The following BMERB1 variants were observed in gnomAD, a reference collection of about 807,000 sequenced individuals.
BMERB1 encodes bMERB domain-containing protein 1.
A neutral mutation model predicts 23.6 loss-of-function variants in BMERB1; 12 were observed. That is an observed-to-expected ratio of 0.51 (90% CI 0.33 to 0.82). The LOEUF (loss-of-function observed/expected upper bound fraction) is 0.82, where lower values mean the gene tolerates loss of function less well. BMERB1 is among the 40% of genes least tolerant of loss of function. The pLI, the probability that BMERB1 is intolerant of heterozygous loss-of-function variation, is 0.03. For missense variants in BMERB1, 247 were observed against 255.4 expected (o/e 0.97, Z 0.22); for synonymous variants, 122 against 96.6 (o/e 1.26, Z -1.54).
At chr16:15,436,368 C>T (rs1449938625) in intron 1 of BMERB1, among the ~76,000 whole-genome samples, 2 of 151,174 alleles carry the variant, frequency 1.3e-5, no homozygotes, top group Non-Finnish European at 2.9e-5. Flanking sequence ...AAGCGATTCT[C>T]CTGCCTCAGC....
intron 1 of BMERB1, among the ~76,000 whole-genome samples, chr16:15,438,218 C>G (rs1351011253): frequency 6.6e-6 from 1 of 151,148 alleles, no homozygotes; most frequent in African/African-American, 2.4e-5. Context: ...TCCCAAGTAG[C>G]TGGGACTACA....
chr16:15,531,808 C>A (rs1010658691), intron 2 of BMERB1, among the ~76,000 whole-genome samples: 1 of 152,192 alleles, frequency 6.6e-6, no homozygotes, highest in Admixed American at 6.5e-5. Context: ...GGGCTTGTCC[C>A]TATCACGTGA....
rs763726131 is a variant in BMERB1 at position 15,581,221 on chromosome 16, AG to A, written c.310del (p.Glu104LysfsTer13). The A allele has an allele frequency of 6.2e-7, 1 of 1,610,336 alleles. No individual in the cohort carries two copies. The highest frequency in any genetic ancestry group is 8.5e-7 in the Non-Finnish European group (1 of 1,178,304). On this transcript the variant is annotated frameshift_variant, in exon 4 of 6. Coordinates refer to ENST00000300006, the MANE Select transcript of BMERB1 (RefSeq NM_033201.3). LOFTEE classifies it high-confidence loss of function. ...TTGTTGATGTCTTCTTTCCAGAAAA[AG>A]AAAAAACCAAACTGCAGAAGCAGAG... ...LQNLVAIPEK[E>X]KTKLQKQRED... is the part of the protein sequence containing the mutation.
chr16:15,457,917 A>G (rs114626533), intron 1 of BMERB1, among the ~76,000 whole-genome samples: 1 of 152,210 alleles, frequency 6.6e-6, no homozygotes, highest in Non-Finnish European at 1.5e-5. Flanking sequence ...CCTTCTTCAC[A>G]GGGCAGTAGA....
intron 1 of BMERB1, among the ~76,000 whole-genome samples, chr16:15,459,807 C>A (rs1453642979): frequency 6.6e-6 from 1 of 152,140 alleles, no homozygotes; most frequent in Non-Finnish European, 1.5e-5. Flanking sequence ...CACAGTAGCA[C>A]TAACAGGAAA....
intron 1 of BMERB1, among the ~76,000 whole-genome samples, chr16:15,475,024 A>C (rs2051263237): frequency 6.6e-6 from 1 of 151,936 alleles, no homozygotes. Context: ...CTTCCTGTTG[A>C]GCTATAGTAT....
At chr16:15,508,516 C>T (rs1401354751) in intron 1 of BMERB1, among the ~76,000 whole-genome samples, 19 of 152,084 alleles carry the variant, frequency 1.2e-4, no homozygotes, top group Non-Finnish European at 2.9e-5. Context: ...AGGGTATCAA[C>T]CCCTGGCCTA....
At chr16:15,472,393 C>T (rs530588493) in intron 1 of BMERB1, among the ~76,000 whole-genome samples, 35 of 152,166 alleles carry the variant, frequency 2.3e-4, no homozygotes, top group Non-Finnish European at 4.7e-4. Flanking sequence ...CTTCTCCTTT[C>T]GGCTTTATGA....
intron 1 of BMERB1, among the ~76,000 whole-genome samples, chr16:15,447,016 G>A (rs189705164): frequency 2.1e-4 from 32 of 152,312 alleles, no homozygotes; most frequent in Middle Eastern, 3.4e-3. Flanking sequence ...AGCTCTGCCT[G>A]CATTTGAATC....
chr16:15,579,844 C>T (rs1294405417), intron 3 of BMERB1, among the ~76,000 whole-genome samples: 1 of 152,184 alleles, frequency 6.6e-6, no homozygotes, highest in Non-Finnish European at 1.5e-5. Context: ...GCAGAAGACC[C>T]TGGCTTTGTC....
chr16:15,458,916 C>A (rs1434382756), intron 1 of BMERB1, among the ~76,000 whole-genome samples: 6 of 151,968 alleles, frequency 3.9e-5, no homozygotes, highest in African/African-American at 1.5e-4. Context: ...ACCAGCCTGG[C>A]CAGCATAGTG....
At chr16:15,446,171 G>T (rs2050987434) in intron 1 of BMERB1, among the ~76,000 whole-genome samples, 1 of 152,202 alleles carries the variant, frequency 6.6e-6, no homozygotes, top group Non-Finnish European at 1.5e-5. Context: ...AGGCAGAATG[G>T]CTTGAGCCCA....
intron 1 of BMERB1, among the ~76,000 whole-genome samples, chr16:15,491,555 G>C (rs1397858143): frequency 6.6e-6 from 1 of 152,154 alleles, no homozygotes; most frequent in Non-Finnish European, 1.5e-5. Context: ...ACTTTTCAGT[G>C]TGGCCTATAG....
chr16:15,533,273 G>A (rs915871521), intron 2 of BMERB1: 5 of 179,226 alleles, frequency 2.8e-5, no homozygotes, highest in South Asian at 1.9e-4. Context: ...AGATTAGAGG[G>A]TGGAATGATG....
At chr16:15,564,617 A>G (rs1293321233) in intron 2 of BMERB1, among the ~76,000 whole-genome samples, 1 of 152,244 alleles carries the variant, frequency 6.6e-6, no homozygotes, top group Non-Finnish European at 1.5e-5. Context: ...AGAAAACAAG[A>G]CAAATGCTAG....
chr16:15,581,134 C>G (rs1384635192), intron 3 of BMERB1, 83 bp from the exon 4 acceptor site: 2 of 988,314 alleles, frequency 2.0e-6, no homozygotes, highest in Non-Finnish European at 3.0e-6. Context: ...CCAGGCTGGT[C>G]TGAAACTCCT....
chr16:15,537,485 C>T (rs1457027817), intron 2 of BMERB1, among the ~76,000 whole-genome samples: 1 of 150,580 alleles, frequency 6.6e-6, no homozygotes, highest in Admixed American at 6.6e-5. Context: ...TCCCCAGTAG[C>T]GGGGATTACA....
intron 1 of BMERB1, among the ~76,000 whole-genome samples, chr16:15,510,031 T>C (rs2051643599): frequency 6.6e-6 from 1 of 152,114 alleles, no homozygotes; most frequent in Admixed American, 6.5e-5. Flanking sequence ...AAACCGTAAT[T>C]ACTTTTGCAC....
intron 3 of BMERB1, among the ~76,000 whole-genome samples, chr16:15,576,315 G>C (rs1195270569): frequency 1.3e-5 from 2 of 152,098 alleles, no homozygotes; most frequent in African/African-American, 2.4e-5. Context: ...CCAAAGTGCT[G>C]GAATTACAGG....
Sources: allele counts gnomAD v4.1 joint callset (sites outside exome capture counted in the v4.1 genomes callset), GRCh38; gene constraint gnomAD v4.1.1; transcripts MANE v1.5; gene names NCBI Gene and HGNC (gene_info 2026-07-23, HGNC 2026-07-21).